CNTN1: variants seen among roughly 807,000 people sequenced by gnomAD.
CNTN1 encodes the protein contactin 1.
CNTN1 carries 38 observed loss-of-function variants against 126.4 expected under a neutral mutation model. That is an observed-to-expected ratio of 0.30 (90% CI 0.23 to 0.39). CNTN1 has a LOEUF of 0.39. Among genes scored for constraint, CNTN1 ranks in the 10% least tolerant of loss-of-function variants. CNTN1 has a pLI of 1.00. For synonymous variants in CNTN1, 413 were observed against 422.6 expected, an observed-to-expected ratio of 0.98 and a Z score of 0.28; for missense variants, 1,009 against 1,248.4, an observed-to-expected ratio of 0.81 and a Z score of 2.89.
intron 15 of CNTN1, among the ~76,000 whole-genome samples, chr12:40,964,179 G>A (rs1050070493): frequency 1.3e-5 from 2 of 152,044 alleles, no homozygotes; most frequent in Admixed American, 6.6e-5. Context: ...AATAGAAAAT[G>A]CAATTAAGAT....
chr12:40,788,712 C>T (rs1940117822), intron 1 of CNTN1, among the ~76,000 whole-genome samples: 1 of 152,206 alleles, frequency 6.6e-6, no homozygotes. Flanking sequence ...ATTACCTTCC[C>T]CCAGGGAAAT....
intron 1 of CNTN1, among the ~76,000 whole-genome samples, chr12:40,846,280 AAC>A (rs147449469): frequency 0.099 from 15,015 of 152,138 alleles, 870 homozygotes; most frequent in Non-Finnish European, 0.13. Context: ...CATCCTGCCT[AAC>A]ACGGTGAAAC....
At chr12:40,761,629 G>A (rs1201745203) in intron 1 of CNTN1, among the ~76,000 whole-genome samples, 2 of 151,874 alleles carry the variant, frequency 1.3e-5, no homozygotes, top group Non-Finnish European at 2.9e-5. Context: ...GCTTGTATGA[G>A]TATTTATATT....
At chr12:40,857,637 C>T (rs1942959541) in intron 1 of CNTN1, among the ~76,000 whole-genome samples, 1 of 152,090 alleles carries the variant, frequency 6.6e-6, no homozygotes, top group South Asian at 2.1e-4. Context: ...AACCTTGATG[C>T]CTTCCAGCAA....
intron 1 of CNTN1, among the ~76,000 whole-genome samples, chr12:40,906,129 G>A (rs1464084746): frequency 6.6e-6 from 1 of 152,046 alleles, no homozygotes; most frequent in Non-Finnish European, 1.5e-5. Context: ...AAATTAGCCG[G>A]GCGTGGTGGT....
At chr12:41,010,804 C>A (rs1300776622) in intron 17 of CNTN1, among the ~76,000 whole-genome samples, 1 of 151,628 alleles carries the variant, frequency 6.6e-6, no homozygotes. Context: ...CCAATATGTG[C>A]ATTAAATGGT....
chr12:40,842,008 G>A (rs1202147301), intron 1 of CNTN1, among the ~76,000 whole-genome samples: 3 of 139,144 alleles, frequency 2.2e-5, no homozygotes, highest in South Asian at 2.3e-4. Context: ...TTTAAAAAAA[G>A]AAATAAATAA....
chr12:40,879,588 A>T (rs1031377174), intron 1 of CNTN1, among the ~76,000 whole-genome samples: 2 of 152,164 alleles, frequency 1.3e-5, no homozygotes, highest in East Asian at 3.8e-4. Flanking sequence ...GACAAAAATC[A>T]AGGGTCTAGT....
At chr12:40,826,265 G>T (rs184063387) in intron 1 of CNTN1, among the ~76,000 whole-genome samples, 1 of 152,062 alleles carries the variant, frequency 6.6e-6, no homozygotes, top group Non-Finnish European at 1.5e-5. Flanking sequence ...TTCTATATAT[G>T]ATTAAATTGA....
At chr12:40,790,626 A>G (rs1940184059) in intron 1 of CNTN1, among the ~76,000 whole-genome samples, 1 of 152,106 alleles carries the variant, frequency 6.6e-6, no homozygotes, top group Non-Finnish European at 1.5e-5. Flanking sequence ...ACTGCTGCCC[A>G]GTAAACTGCA....
intron 23 of CNTN1, among the ~76,000 whole-genome samples, chr12:41,041,354 A>G (rs931628439): frequency 1.3e-5 from 2 of 152,184 alleles, no homozygotes; most frequent in South Asian, 2.1e-4. Flanking sequence ...AATGTTCATC[A>G]AGGATATTGG....
intron 1 of CNTN1, among the ~76,000 whole-genome samples, chr12:40,797,774 T>C (rs1253780161): frequency 6.6e-6 from 1 of 151,938 alleles, no homozygotes; most frequent in Admixed American, 6.6e-5. Flanking sequence ...TACAATGGAT[T>C]CGGTATATAG....
intron 1 of CNTN1, among the ~76,000 whole-genome samples, chr12:40,907,771 T>C (rs1359493354): frequency 6.6e-6 from 1 of 152,168 alleles, no homozygotes; most frequent in Non-Finnish European, 1.5e-5. Context: ...GTAAAAGGGA[T>C]GAGGAGGAAT....
chr12:40,994,517 G>C (rs923523692), intron 17 of CNTN1, among the ~76,000 whole-genome samples: 1 of 152,064 alleles, frequency 6.6e-6, no homozygotes, highest in Admixed American at 6.6e-5. Flanking sequence ...GTGGAATCAT[G>C]CCACAGTTTC....
At chr12:41,028,779 A>T (rs747649262) in intron 22 of CNTN1, among the ~76,000 whole-genome samples, 3 of 152,098 alleles carry the variant, frequency 2.0e-5, no homozygotes, top group African/African-American at 4.8e-5. Flanking sequence ...TCTTAAAAAG[A>T]CTCATTCTTT....
intron 1 of CNTN1, among the ~76,000 whole-genome samples, chr12:40,842,456 T>A (rs539014550): frequency 6.6e-6 from 1 of 152,222 alleles, no homozygotes; most frequent in African/African-American, 2.4e-5. Flanking sequence ...ATCCCAATTA[T>A]CCTGATTTGA....
chr12:40,738,135 G>A (rs903689876), intron 1 of CNTN1, among the ~76,000 whole-genome samples: 18 of 151,930 alleles, frequency 1.2e-4, no homozygotes, highest in African/African-American at 4.1e-4. Context: ...CAAGTGAAGG[G>A]GAACTGCTGT....
intron 1 of CNTN1, among the ~76,000 whole-genome samples, chr12:40,872,825 G>T (rs940303707): frequency 1.3e-5 from 2 of 151,978 alleles, no homozygotes; most frequent in Non-Finnish European, 2.9e-5. Context: ...CTCCCAAAAT[G>T]CCGGGATTAC....
At position 41,070,357 on chromosome 12, in the gene CNTN1, C is replaced by A. The variant is rs1950135981; in HGVS notation, c.*322C>A. 2 of 389,258 alleles carry A rather than the reference C, an allele frequency of 5.1e-6. No individual in the cohort carries two copies. The highest frequency in any genetic ancestry group is 2.1e-5 in the African/African-American group (1 of 48,568). The allele number at this position is 389,258 out of a possible 1,614,324, so 24.1% of individuals were successfully genotyped here. A position where few individuals can be genotyped will look rare whatever the true frequency, so the allele number is the denominator to read the frequency against. ...ACAGTGTTCAATTCAATACTATAGG[C>A]TGTAGAGTGAAAGTCAAATCACCAT... On this transcript the variant is annotated 3_prime_UTR_variant, in exon 24 of 24. Transcript: ENST00000551295.
Sources: allele counts gnomAD v4.1 joint callset (sites outside exome capture counted in the v4.1 genomes callset), GRCh38; gene constraint gnomAD v4.1.1; transcripts MANE v1.5; gene names NCBI Gene and HGNC (gene_info 2026-07-23, HGNC 2026-07-21).